NUP210: variants seen among roughly 807,000 people sequenced by gnomAD.
NUP210 encodes nucleoporin 210.
NUP210 carries 151 observed loss-of-function variants against 196.0 expected under a neutral mutation model. The ratio of observed to expected loss-of-function variants is 0.77; its 90% CI spans 0.67 to 0.88. The LOEUF is 0.88. Among genes scored for constraint, NUP210 ranks in the 40% least tolerant of loss-of-function variants. NUP210 has a pLI of 0.00. For missense variants in NUP210, 2,314 were observed against 2,493.7 expected (o/e 0.93, Z 1.53); for synonymous variants, 1,070 against 1,052.7 (o/e 1.02, Z -0.32).
At chr3:13,335,974 C>A (rs564939726) in intron 27 of NUP210, among the ~76,000 whole-genome samples, 3 of 152,388 alleles carry the variant, frequency 2.0e-5, no homozygotes, top group South Asian at 2.1e-4. Flanking sequence ...TGTGTCCCTG[C>A]AGACTATTCT....
At chr3:13,360,555 TC>T in intron 14 of NUP210, 64 bp from the exon 15 acceptor site, 1 of 1,326,566 alleles carries the variant, frequency 7.5e-7, no homozygotes, top group Non-Finnish European at 1.0e-6. Flanking sequence ...GAGCCGGGCA[TC>T]CCAGCCCCAC....
chr3:13,372,679 T>A (rs1698772647), intron 12 of NUP210, among the ~76,000 whole-genome samples: 1 of 151,956 alleles, frequency 6.6e-6, no homozygotes, highest in African/African-American at 2.4e-5. Context: ...AAAACTAGAA[T>A]CCCACCTCCT....
rs535685483 is a variant in NUP210 at position 13,417,260 on chromosome 3, G to C, written c.167+2800C>G. 3.3e-5 allele frequency among the ~76,000 whole-genome samples: 5 copies of C among 152,290 alleles called. No individual in the cohort carries two copies. The East Asian group carries it at 9.6e-4, about 29-fold the overall frequency. Reference sequence around the variant, plus strand: ...CTCAGGTTTTCCTATATGAAACACAGGCTGTTTAAACTAGGTGACCTCTAA... The same window carrying C: ...CTCAGGTTTTCCTATATGAAACACACGCTGTTTAAACTAGGTGACCTCTAA... On this transcript the variant is annotated intron_variant, in intron 1 of 39. Coordinates refer to ENST00000254508, the MANE Select transcript of NUP210 (RefSeq NM_024923.4).
At chr3:13,326,269 T>C (rs942394186) in intron 32 of NUP210, among the ~76,000 whole-genome samples, 9 of 152,264 alleles carry the variant, frequency 5.9e-5, no homozygotes, top group Non-Finnish European at 8.8e-5. Context: ...AGGAATGGTC[T>C]GGTGCTGCTG....
At chr3:13,411,617 T>C (rs1700176571) in intron 1 of NUP210, among the ~76,000 whole-genome samples, 1 of 152,166 alleles carries the variant, frequency 6.6e-6, no homozygotes, top group Admixed American at 6.5e-5. Context: ...CTGCAGGCTG[T>C]GGCCAGGAAG....
intron 3 of NUP210, among the ~76,000 whole-genome samples, chr3:13,395,742 G>A (rs1223887465): frequency 6.6e-6 from 1 of 152,198 alleles, no homozygotes; most frequent in African/African-American, 2.4e-5. Flanking sequence ...GAATAATGCT[G>A]TTATGAGCAT....
rs762362795 is a variant in NUP210 at position 13,325,843 on chromosome 3, G to A, written c.4596C>T (p.Ser1532=). ...TGVAVARAVG[S]VTVYYEVAGH... The stretch of plus-strand genomic sequence containing the variant: ...CAGCGACCTCATAGTAAACCGTCAC[G>A]GATCCCACGGCCCGGGCCACAGCCA... The change falls in exon 33 of 40, where the codon TCC becomes TCT. Residue 1532 remains serine, a synonymous_variant. Coordinates refer to ENST00000254508, the MANE Select transcript of NUP210 (RefSeq NM_024923.4). 1.1e-5 allele frequency: 18 copies of A among 1,613,842 alleles called. No individual in the cohort carries two copies. Among genetic ancestry groups the A allele is most frequent in the Admixed American group, 6.7e-5 (4 of 60,006 alleles).
chr3:13,402,700 T>C (rs911811842), intron 1 of NUP210, among the ~76,000 whole-genome samples: 2 of 138,964 alleles, frequency 1.4e-5, no homozygotes, highest in Admixed American at 1.4e-4. Flanking sequence ...ACGTTTTCAT[T>C]TTCCGTCAAA....
In NUP210 at chr3:13,371,842, G is replaced by T. The variant is rs1698741019; in HGVS notation, c.1778C>A (p.Pro593Gln). The T allele has an allele frequency of 3.7e-6, 6 of 1,606,172 alleles. No individual in the cohort carries two copies. The highest frequency in any genetic ancestry group is 1.7e-5 in the Admixed American group (1 of 59,144). ...CAGCAGCGCTGGTTTACCTGGGAGT[G>T]GCTGGAACACACCCTGGTTCTCCAC... ...VEVENQGVFQ[P>Q]LPGRLPPGSE... The change falls in exon 13 of 40, where the codon CCA (proline) becomes CAA (glutamine). Residue 593 changes from proline to glutamine, a missense_variant. Coordinates refer to ENST00000254508, the MANE Select transcript of NUP210 (RefSeq NM_024923.4).
At chr3:13,394,896 G>T (rs563407680) in intron 3 of NUP210, among the ~76,000 whole-genome samples, 3 of 152,306 alleles carry the variant, frequency 2.0e-5, no homozygotes, top group African/African-American at 7.2e-5. Context: ...AAAGGCAAAA[G>T]AAATGATGAA....
intron 1 of NUP210, among the ~76,000 whole-genome samples, chr3:13,403,172 A>G (rs183580578): frequency 5.0e-4 from 76 of 152,328 alleles, no homozygotes; most frequent in African/African-American, 1.6e-3. Context: ...TTCAGAGCTC[A>G]CAGTCACACG....
chr3:13,337,722 C>T, intron 26 of NUP210, 115 bp downstream of exon 26: 3 of 943,216 alleles, frequency 3.2e-6, no homozygotes, highest in Non-Finnish European at 4.9e-6. Context: ...GGAAGCAGGC[C>T]CTAGATACCC....
intron 1 of NUP210, among the ~76,000 whole-genome samples, chr3:13,413,584 G>A (rs1700249236): frequency 6.6e-6 from 1 of 152,224 alleles, no homozygotes; most frequent in Non-Finnish European, 1.5e-5. Flanking sequence ...AGTCCTGGGG[G>A]GAAGCTGCTA....
rs1697790528 is a variant in NUP210, at chr3:13,347,536, G to A, written c.2836-4233C>T. ...GCCCTGCACAGTCCATGTCCACTGT[G>A]TGGGGATAAAAACCCCCACAGGACC... On this transcript the variant is annotated intron_variant, in intron 20 of 39. Coordinates refer to ENST00000254508, the MANE Select transcript of NUP210 (RefSeq NM_024923.4). This position sits in a 1 kb window ranked among gnomAD's most constrained non-coding sequence, Gnocchi z 4.7. 6.6e-6 allele frequency among the ~76,000 whole-genome samples: 1 copy of A among 152,128 alleles called. No homozygotes were observed. The highest frequency in any genetic ancestry group is 1.5e-5 in the Non-Finnish European group (1 of 68,030).
chr3:13,349,220 G>C (rs968675940), intron 20 of NUP210, among the ~76,000 whole-genome samples: 1 of 152,212 alleles, frequency 6.6e-6, no homozygotes, highest in Non-Finnish European at 1.5e-5. Flanking sequence ...TCCCACCCCA[G>C]TGAGCGGGGC....
chr3:13,417,117 C>T (rs1282548845), intron 1 of NUP210, among the ~76,000 whole-genome samples: 1 of 152,134 alleles, frequency 6.6e-6, no homozygotes, highest in East Asian at 1.9e-4. Context: ...GCAAATTAGC[C>T]AGAGGCTGCC....
At chr3:13,364,114 C>T (rs1698455238) in intron 14 of NUP210, among the ~76,000 whole-genome samples, 1 of 152,104 alleles carries the variant, frequency 6.6e-6, no homozygotes, top group African/African-American at 2.4e-5. Flanking sequence ...CCCCATCACC[C>T]CTTCATGCTC....
intron 37 of NUP210, 54 bp from the exon 38 acceptor site, chr3:13,319,379 C>A: frequency 7.2e-7 from 1 of 1,384,202 alleles, no homozygotes. Context: ...CTGTGGCATC[C>A]CATCACGTTC....
chr3:13,381,128 T>A (rs1475994053), intron 6 of NUP210, among the ~76,000 whole-genome samples: 1 of 152,250 alleles, frequency 6.6e-6, no homozygotes, highest in Non-Finnish European at 1.5e-5. Context: ...ATTATGTGTC[T>A]AGTGTTCAGA....
Sources: allele counts gnomAD v4.1 joint callset (sites outside exome capture counted in the v4.1 genomes callset), GRCh38; gene constraint gnomAD v4.1.1; non-coding constraint Gnocchi (gnomAD v3.1); transcripts MANE v1.5; gene names NCBI Gene and HGNC (gene_info 2026-07-23, HGNC 2026-07-21).